RYR3: variants seen among roughly 807,000 people sequenced by gnomAD.
RYR3 encodes ryanodine receptor 3.
In RYR3, 207 loss-of-function variants were observed where a neutral mutation model predicts 584.3. The ratio of observed to expected loss-of-function variants is 0.35; its 90% CI spans 0.32 to 0.40. The LOEUF is 0.40. RYR3 is among the 10% of genes least tolerant of loss of function. The pLI is 1.00. For synonymous variants in RYR3, 2,416 were observed against 2,248.5 expected, an observed-to-expected ratio of 1.07 and a Z score of -2.11; for missense variants, 5,616 against 6,089.2, an observed-to-expected ratio of 0.92 and a Z score of 2.59.
At chr15:33,533,253 A>G in intron 4 of RYR3, 58 bp from the exon 5 acceptor site, 10 of 1,188,418 alleles carry the variant, frequency 8.4e-6, no homozygotes, top group East Asian at 2.5e-5. Context: ...ACTAGTGGTA[A>G]GATACCAAGA....
At chr15:33,373,737 G>A (rs1311899870) in intron 1 of RYR3, among the ~76,000 whole-genome samples, 3 of 152,116 alleles carry the variant, frequency 2.0e-5, no homozygotes, top group African/African-American at 7.2e-5. Flanking sequence ...GCTTAGTTCT[G>A]CTGCAGACAT....
intron 1 of RYR3, among the ~76,000 whole-genome samples, chr15:33,323,667 G>T (rs1488500743): frequency 1.3e-5 from 2 of 152,204 alleles, no homozygotes; most frequent in Non-Finnish European, 2.9e-5. Context: ...GTGAAAACCT[G>T]TGGGTGTGCA....
intron 52 of RYR3, among the ~76,000 whole-genome samples, chr15:33,744,907 G>GT (rs2070529302): frequency 6.6e-6 from 1 of 152,216 alleles, no homozygotes; most frequent in South Asian, 2.1e-4. Flanking sequence ...TTCGAAGTCA[G>GT]TAGTGTGCCC....
intron 14 of RYR3, among the ~76,000 whole-genome samples, chr15:33,583,535 C>G (rs2058694441): frequency 6.6e-6 from 1 of 152,314 alleles, no homozygotes; most frequent in Middle Eastern, 3.4e-3. Context: ...TCTCATTGCT[C>G]TAGTCTGAAC....
At chr15:33,551,659 C>G (rs1336824594) in intron 10 of RYR3, among the ~76,000 whole-genome samples, 1 of 152,202 alleles carries the variant, frequency 6.6e-6, no homozygotes, top group Non-Finnish European at 1.5e-5. Flanking sequence ...AACCGTCTCT[C>G]AAATGTCATC....
chr15:33,469,827 G>C (rs1465812738), intron 1 of RYR3, among the ~76,000 whole-genome samples: 1 of 152,168 alleles, frequency 6.6e-6, no homozygotes, highest in East Asian at 1.9e-4. Flanking sequence ...AAGACCAATC[G>C]TTGAGCAGTC....
intron 3 of RYR3, among the ~76,000 whole-genome samples, chr15:33,528,795 T>A (rs1040559405): frequency 6.6e-6 from 1 of 152,198 alleles, no homozygotes; most frequent in African/African-American, 2.4e-5. Flanking sequence ...AGCTTGCTTG[T>A]TCCCTGAAAG....
chr15:33,641,463 G>C (rs1418549981), intron 27 of RYR3, among the ~76,000 whole-genome samples: 1 of 152,194 alleles, frequency 6.6e-6, no homozygotes, highest in Non-Finnish European at 1.5e-5. Flanking sequence ...TTCATGAAGA[G>C]TTATAAAGTT....
intron 27 of RYR3, among the ~76,000 whole-genome samples, chr15:33,641,355 A>C (rs2061813200): frequency 1.3e-5 from 2 of 152,212 alleles, no homozygotes; most frequent in South Asian, 4.1e-4. Context: ...TAATAATGAG[A>C]TGTATCTGTA....
At chr15:33,704,588 A>T (rs952677710) in intron 42 of RYR3, among the ~76,000 whole-genome samples, 1 of 152,214 alleles carries the variant, frequency 6.6e-6, no homozygotes, top group Admixed American at 6.5e-5. Context: ...TGTTATTCGT[A>T]CATTTAGATG....
chr15:33,834,387 C>T (rs953210518), intron 86 of RYR3, among the ~76,000 whole-genome samples: 1 of 151,442 alleles, frequency 6.6e-6, no homozygotes, highest in Non-Finnish European at 1.5e-5. Flanking sequence ...CAGAAAAGTT[C>T]GTCAGAGATG....
chr15:33,766,991 G>A (rs1226031511), intron 60 of RYR3, among the ~76,000 whole-genome samples: 1 of 152,252 alleles, frequency 6.6e-6, no homozygotes, highest in Non-Finnish European at 1.5e-5. Flanking sequence ...GCATGCCTAA[G>A]AAAGCACTTC....
rs80331360 is a variant in RYR3 at position 33,338,775 on chromosome 15, G to C, written c.51+27679G>C. ...ATATTCATATATATTTATAGAAGGA[G>C]CAGTGAAATGAAATAGCTAGTTACC... On this transcript the variant is annotated intron_variant, in intron 1 of 103. Coordinates refer to ENST00000634891, the MANE Select transcript of RYR3 (RefSeq NM_001036.6). Among the ~76,000 whole-genome samples the C allele has an allele frequency of 5.6e-3, 846 of 152,258 alleles. 8 individuals are homozygous for C. Among genetic ancestry groups the C allele is most frequent in the African/African-American group, 0.019 (803 of 41,518 alleles).
At chr15:33,805,399 C>T (rs2076129485) in intron 69 of RYR3, among the ~76,000 whole-genome samples, 1 of 151,850 alleles carries the variant, frequency 6.6e-6, no homozygotes, top group Admixed American at 6.6e-5. Flanking sequence ...GGCATTCACA[C>T]TTACACGTGT....
At position 33,435,441 on chromosome 15, in the gene RYR3, T is replaced by G. The variant is rs375928936; in HGVS notation, c.52-37978T>G. 7.9e-5 allele frequency among the ~76,000 whole-genome samples: 12 copies of G among 152,306 alleles called. No individual in the cohort carries two copies. The East Asian group carries it at 2.3e-3, about 29-fold the overall frequency. Reference sequence around the variant, plus strand: ...ATTATGCTTTTTTCCAGTCAGTGTATAGTTTGGGGCTCTGGATATGTGTAT... The same window carrying G: ...ATTATGCTTTTTTCCAGTCAGTGTAGAGTTTGGGGCTCTGGATATGTGTAT... On this transcript the variant is annotated intron_variant, in intron 1 of 103. Coordinates refer to ENST00000634891, the MANE Select transcript of RYR3 (RefSeq NM_001036.6).
At chr15:33,852,768 C>G (rs1213357841) in intron 94 of RYR3, 4 of 352,162 alleles carry the variant, frequency 1.1e-5, no homozygotes, top group Middle Eastern at 5.4e-4. Context: ...TCTGTCTAAT[C>G]TGTCATCACA....
intron 102 of RYR3, 42 bp from the exon 103 acceptor site, chr15:33,864,096 G>C (rs539694577): frequency 2.0e-6 from 3 of 1,485,702 alleles, no homozygotes; most frequent in South Asian, 1.2e-5. Context: ...ATGAACTTGG[G>C]TCTTGACCAG....
At chr15:33,350,738 G>A (rs146057970) in intron 1 of RYR3, among the ~76,000 whole-genome samples, 2 of 151,990 alleles carry the variant, frequency 1.3e-5, no homozygotes, top group African/African-American at 2.4e-5. Flanking sequence ...ACATACCAGA[G>A]TCTCTGGGAC....
At chr15:33,620,919 C>T (rs970179876) in intron 19 of RYR3, among the ~76,000 whole-genome samples, 10 of 152,274 alleles carry the variant, frequency 6.6e-5, no homozygotes, top group South Asian at 2.1e-4. Flanking sequence ...AAGCACTGCA[C>T]GATGATGTTT....
Sources: gnomAD v4.1 joint callset for allele counts (sites outside exome capture counted in the v4.1 genomes callset) on GRCh38, gnomAD v4.1.1 for gene constraint, MANE v1.5 for transcripts, NCBI Gene and HGNC (gene_info 2026-07-23, HGNC 2026-07-21) for gene names.